Variants in PLPP1 observed in about 807,000 individuals in gnomAD.
PLPP1 encodes the protein phospholipid phosphatase 1.
In PLPP1, 24 loss-of-function variants were observed where a neutral mutation model predicts 31.2. That is an observed-to-expected ratio of 0.77 (90% CI 0.56 to 1.08). The LOEUF (loss-of-function observed/expected upper bound fraction) is 1.08, where lower values mean the gene tolerates loss of function less well. PLPP1 is among the 50% of genes least tolerant of loss of function. PLPP1 has a pLI of 0.00. For synonymous variants in PLPP1, 146 were observed against 126.3 expected (o/e 1.16, Z -1.05); for missense variants, 319 against 342.7 (o/e 0.93, Z 0.55).
chr5:55,511,821 G>A (rs1045866045), intron 1 of PLPP1, among the ~76,000 whole-genome samples: 8 of 150,894 alleles, frequency 5.3e-5, no homozygotes, highest in South Asian at 2.1e-4. Flanking sequence ...CGGCTACCAC[G>A]CCCAGCTAAT....
chr5:55,467,831 A>G, intron 3 of PLPP1, 38 bp downstream of exon 3: 1 of 1,558,508 alleles, frequency 6.4e-7, no homozygotes, highest in Non-Finnish European at 8.7e-7. Flanking sequence ...TTCCAAGAAT[A>G]TACAAGATTA....
At chr5:55,427,664 G>A (rs1751239721) in intron 4 of PLPP1, among the ~76,000 whole-genome samples, 1 of 151,820 alleles carries the variant, frequency 6.6e-6, no homozygotes, top group South Asian at 2.1e-4. Context: ...TAGATAGCCT[G>A]CAAACTCATA....
At chr5:55,433,705 G>C (rs1179434986) in intron 4 of PLPP1, among the ~76,000 whole-genome samples, 2 of 150,874 alleles carry the variant, frequency 1.3e-5, no homozygotes, top group African/African-American at 4.9e-5. Flanking sequence ...CACTGTGTTA[G>C]CCAGGATGGT....
intron 2 of PLPP1, 39 bp downstream of exon 2, chr5:55,475,260 C>A (rs766802300): frequency 1.3e-6 from 2 of 1,553,076 alleles, no homozygotes; most frequent in Admixed American, 1.9e-5. Flanking sequence ...AAGCCAAGTG[C>A]CCAAAAGTTA....
intron 1 of PLPP1, among the ~76,000 whole-genome samples, chr5:55,523,238 C>T (rs1340459339): frequency 6.6e-6 from 1 of 151,958 alleles, no homozygotes; most frequent in African/African-American, 2.4e-5. Flanking sequence ...ACGAACAATC[C>T]AATTATACTG....
At chr5:55,470,764 T>A (rs933929191) in intron 2 of PLPP1, among the ~76,000 whole-genome samples, 3 of 152,212 alleles carry the variant, frequency 2.0e-5, no homozygotes, top group Non-Finnish European at 4.4e-5. Context: ...ATTCTTAACC[T>A]TTCATGAAGT....
chr5:55,487,021 C>A (rs1752789203), intron 1 of PLPP1, among the ~76,000 whole-genome samples: 2 of 151,946 alleles, frequency 1.3e-5, no homozygotes, highest in South Asian at 4.2e-4. Context: ...ATAAGTTGGT[C>A]ACAAACATTG....
chr5:55,430,970 A>G (rs1751334809), intron 4 of PLPP1, among the ~76,000 whole-genome samples: 1 of 152,220 alleles, frequency 6.6e-6, no homozygotes, highest in Non-Finnish European at 1.5e-5. Context: ...TTTCAACAAT[A>G]GACTGCATCA....
Position 55,443,192 on chromosome 5 carries a change from A to AAAAAAAAAAAAAAAATATAT in PLPP1, c.492-1285_492-1284insATATATTTTTTTTTTTTTTT. Among the ~76,000 whole-genome samples, 7 of 25,420 alleles carry AAAAAAAAAAAAAAAATATAT rather than the reference A, an allele frequency of 2.8e-4. 1 individual carries two copies. Among genetic ancestry groups the AAAAAAAAAAAAAAAATATAT allele is most frequent in the African/African-American group, 5.4e-4 (5 of 9,278 alleles). The allele number at this position is 25,420 out of a possible 152,430, so 16.7% of individuals were successfully genotyped here. On this transcript the variant is annotated intron_variant, in intron 3 of 5. Coordinates refer to ENST00000307259, the MANE Select transcript of PLPP1 (RefSeq NM_003711.4). ...AAGGATTACTTAAAAAAAAAAAAAA[A>AAAAAAAAAAAAAAAATATAT]ATATATATATATATATATATACACA...
At chr5:55,466,778 C>T (rs1247168233) in intron 3 of PLPP1, among the ~76,000 whole-genome samples, 1 of 150,038 alleles carries the variant, frequency 6.7e-6, no homozygotes, top group Non-Finnish European at 1.5e-5. Flanking sequence ...AGAATACCAA[C>T]AAAGACAATG....
At chr5:55,430,089 A>G (rs1448913125) in intron 4 of PLPP1, among the ~76,000 whole-genome samples, 1 of 151,902 alleles carries the variant, frequency 6.6e-6, no homozygotes, top group Non-Finnish European at 1.5e-5. Context: ...CACCACCCAC[A>G]TGCACCACCT....
At position 55,445,154 on chromosome 5, in the gene PLPP1, A is replaced by G. The variant is rs76039385; in HGVS notation, c.492-3246T>C. Among the ~76,000 whole-genome samples, 418 of 152,182 alleles carry G rather than the reference A, an allele frequency of 2.7e-3. 4 individuals are homozygous for G. The highest frequency in any genetic ancestry group is 9.6e-3 in the African/African-American group (399 of 41,522). On this transcript the variant is annotated intron_variant, in intron 3 of 5. Transcript: ENST00000307259. ...GATTAAACTTGGCCTGATCCCCAAT[A>G]TCATGGCATTGAGAGCATTCATAGC...
At chr5:55,442,021 T>C in intron 3 of PLPP1, 113 bp from the exon 4 acceptor site, 2 of 1,019,222 alleles carry the variant, frequency 2.0e-6, no homozygotes, top group Non-Finnish European at 3.0e-6. Context: ...TCCCTCTACT[T>C]TGAGAAATTA....
chr5:55,468,176 G>A (rs762748278), intron 2 of PLPP1, 27 bp from the exon 3 acceptor site: 3 of 1,529,340 alleles, frequency 2.0e-6, no homozygotes, highest in East Asian at 4.5e-5. Context: ...AAAATAACAT[G>A]TTAAAGTAGC....
chr5:55,428,927 ATTAC>A (rs1341621291), intron 4 of PLPP1, among the ~76,000 whole-genome samples: 1 of 152,148 alleles, frequency 6.6e-6, no homozygotes, highest in Non-Finnish European at 1.5e-5. Flanking sequence ...CAGCAACATT[ATTAC>A]TTTTAATTCC....
At chr5:55,441,946 T>C (rs1751630872) in intron 3 of PLPP1, 38 bp from the exon 4 acceptor site, 2 of 1,584,338 alleles carry the variant, frequency 1.3e-6, no homozygotes, top group Non-Finnish European at 1.7e-6. Flanking sequence ...TTTTCTCTCT[T>C]AGGAGCCAAA....
intron 2 of PLPP1, among the ~76,000 whole-genome samples, chr5:55,472,523 C>T (rs1372665356): frequency 6.6e-6 from 1 of 152,044 alleles, no homozygotes; most frequent in African/African-American, 2.4e-5. Context: ...TCGCTTGAAC[C>T]CAGGAGTCGG....
intron 1 of PLPP1, among the ~76,000 whole-genome samples, chr5:55,487,290 G>A (rs1366126663): frequency 1.3e-5 from 2 of 151,806 alleles, no homozygotes; most frequent in Admixed American, 6.6e-5. Context: ...TACATAAAAA[G>A]TCTTGCCTTT....
chr5:55,441,965 T>G, intron 3 of PLPP1, 57 bp from the exon 4 acceptor site: 6 of 1,509,276 alleles, frequency 4.0e-6, no homozygotes, highest in Admixed American at 1.7e-5. Context: ...AAAGTATTGT[T>G]GATTTCATAA....
Sources: allele counts gnomAD v4.1 joint callset (sites outside exome capture counted in the v4.1 genomes callset), GRCh38; gene constraint gnomAD v4.1.1; transcripts MANE v1.5; gene names NCBI Gene and HGNC (gene_info 2026-07-23, HGNC 2026-07-21).